The following TEAD1 variants were observed in gnomAD, a reference collection of about 807,000 sequenced individuals.
The protein encoded by TEAD1 is transcriptional enhancer factor TEF-1.
In TEAD1, 9 loss-of-function variants were observed where a neutral mutation model predicts 54.9. The ratio of observed to expected loss-of-function variants is 0.16; its 90% CI spans 0.10 to 0.29. The LOEUF (loss-of-function observed/expected upper bound fraction) is 0.29, where lower values mean the gene tolerates loss of function less well. Ranked by LOEUF, TEAD1 falls within the 10% of genes least tolerant of loss-of-function variation. The pLI is 1.00. For missense variants in TEAD1, 387 were observed against 535.9 expected (o/e 0.72, Z 2.74); for synonymous variants, 200 against 187.8 (o/e 1.07, Z -0.53).
rs1949134254 is a variant in TEAD1, at chr11:12,938,897, T to C, written c.*1675T>C. On this transcript the variant is annotated 3_prime_UTR_variant, in exon 13 of 13. Coordinates refer to ENST00000527636, the MANE Select transcript of TEAD1 (RefSeq NM_021961.6). ...AATAAGTTTTTTAACTTGTAAAACA[T>C]GTCAAGATTTTTCCACCAAGCTAGA... The C allele has an allele frequency of 6.6e-6, 1 of 152,218 alleles. No individual in the cohort carries two copies. Among genetic ancestry groups the C allele is most frequent in the Non-Finnish European group, 1.5e-5 (1 of 68,044 alleles). The allele number at this position is 152,218 out of a possible 1,614,324, so 9.4% of individuals were successfully genotyped here. A position where few individuals can be genotyped will look rare whatever the true frequency, so the allele number is the denominator to read the frequency against.
intron 12 of TEAD1, among the ~76,000 whole-genome samples, chr11:12,934,137 C>G (rs1949057910): frequency 6.6e-6 from 1 of 152,146 alleles, no homozygotes; most frequent in Admixed American, 6.5e-5. Context: ...GGAACCAACC[C>G]AAATGTCCAA....
At chr11:12,872,561 C>T (rs1261005642) in intron 5 of TEAD1, among the ~76,000 whole-genome samples, 1 of 152,166 alleles carries the variant, frequency 6.6e-6, no homozygotes, top group East Asian at 1.9e-4. Context: ...CACTTGCCAA[C>T]AGTGTGGTGA....
intron 2 of TEAD1, among the ~76,000 whole-genome samples, chr11:12,731,048 A>G (rs991090732): frequency 9.9e-5 from 15 of 152,100 alleles, no homozygotes; most frequent in African/African-American, 3.4e-4. Context: ...AGATCTTTTG[A>G]TGAGGAGCTT....
At position 12,921,538 on chromosome 11, in the gene TEAD1, C is replaced by CAAA. The variant is rs10684810; in HGVS notation, c.874-3358_874-3356dup. Among the ~76,000 whole-genome samples the CAAA allele has an allele frequency of 3.0e-3, 386 of 130,784 alleles. 4 individuals carry two copies. The highest frequency in any genetic ancestry group is 6.9e-3 in the Admixed American group (88 of 12,764). The allele number at this position is 130,784 out of a possible 152,430, so 85.8% of individuals were successfully genotyped here. A position where few individuals can be genotyped will look rare whatever the true frequency, so the allele number is the denominator to read the frequency against. ...CTGCAACAAGAGCAAAACTCCATCT[C>CAAA]AAAAAAAAAAAAAAAAAATCTGGAA... On this transcript the variant is annotated intron_variant, in intron 10 of 12. Coordinates refer to ENST00000527636, the MANE Select transcript of TEAD1 (RefSeq NM_021961.6).
intron 3 of TEAD1, among the ~76,000 whole-genome samples, chr11:12,796,725 C>CAA (rs538261179): frequency 0.036 from 4,906 of 136,266 alleles, 292 homozygotes; most frequent in African/African-American, 0.12. Flanking sequence ...GATCCTGACT[C>CAA]AAAAAAAAAA....
At chr11:12,903,848 T>C (rs1016005832) in intron 10 of TEAD1, among the ~76,000 whole-genome samples, 1 of 152,188 alleles carries the variant, frequency 6.6e-6, no homozygotes, top group African/African-American at 2.4e-5. Flanking sequence ...TGTAGCCTTC[T>C]ACTTATATTA....
At chr11:12,785,801 A>G (rs577632527) in intron 3 of TEAD1, among the ~76,000 whole-genome samples, 1 of 152,328 alleles carries the variant, frequency 6.6e-6, no homozygotes, top group East Asian at 1.9e-4. Context: ...TCGTGAGCAT[A>G]TCTCTGACAA....
At chr11:12,720,504 T>G (rs1328945120) in intron 2 of TEAD1, among the ~76,000 whole-genome samples, 1 of 152,212 alleles carries the variant, frequency 6.6e-6, no homozygotes, top group Non-Finnish European at 1.5e-5. Flanking sequence ...ATGTATTATT[T>G]AATTATCAGA....
chr11:12,836,203 GA>G (rs756796136), intron 3 of TEAD1, among the ~76,000 whole-genome samples: 4 of 152,116 alleles, frequency 2.6e-5, no homozygotes, highest in Admixed American at 6.5e-5. Context: ...GGTGGATCAT[GA>G]GGTCAGGAGA....
intron 2 of TEAD1, among the ~76,000 whole-genome samples, chr11:12,742,740 A>G (rs1327704286): frequency 2.6e-5 from 4 of 152,224 alleles, no homozygotes; most frequent in Non-Finnish European, 5.9e-5. Flanking sequence ...TTAAAAAAGG[A>G]AAGTCTTGAC....
intron 2 of TEAD1, among the ~76,000 whole-genome samples, chr11:12,759,235 G>C (rs994012010): frequency 6.6e-6 from 1 of 152,078 alleles, no homozygotes; most frequent in African/African-American, 2.4e-5. Flanking sequence ...TCTCTTGTTG[G>C]ATAGAGTTGG....
chr11:12,780,286 TAGGC>T (rs1945515517), intron 3 of TEAD1, among the ~76,000 whole-genome samples: 1 of 150,272 alleles, frequency 6.7e-6, no homozygotes, highest in African/African-American at 2.5e-5. Flanking sequence ...TCTTGTCACC[TAGGC>T]TGGACTGCAG....
At chr11:12,864,660 T>G in intron 4 of TEAD1, 178 bp from the exon 5 acceptor site, 1 of 1,467,448 alleles carries the variant, frequency 6.8e-7, no homozygotes, top group South Asian at 1.4e-5. Context: ...TTGTTTTGTT[T>G]CCCCTCATAA....
rs115700083 is a variant in TEAD1, at chr11:12,765,918, A to T, written c.202+1484A>T. ...CTGGTCTCTTCATCTCAGCCTGGCT[A>T]TTTGCTTTGTGGGTCTTATTTTCAT... On this transcript the variant is annotated intron_variant, in intron 3 of 12. Coordinates refer to ENST00000527636, the MANE Select transcript of TEAD1 (RefSeq NM_021961.6). Among the ~76,000 whole-genome samples the T allele has an allele frequency of 7.8e-3, 1,192 of 152,138 alleles. 20 individuals carry two copies. The highest frequency in any genetic ancestry group is 0.027 in the African/African-American group (1,136 of 41,496).
At chr11:12,827,719 A>G (rs112447937) in intron 3 of TEAD1, among the ~76,000 whole-genome samples, 8 of 152,172 alleles carry the variant, frequency 5.3e-5, no homozygotes, top group Admixed American at 1.3e-4. Flanking sequence ...CTGCTCTCCT[A>G]TTATCACATT....
chr11:12,748,800 G>A (rs1002688770), intron 2 of TEAD1, among the ~76,000 whole-genome samples: 4 of 151,802 alleles, frequency 2.6e-5, no homozygotes, highest in African/African-American at 4.8e-5. Context: ...GAAATGGTGC[G>A]GTCCTTTCCT....
At chr11:12,868,739 C>A (rs1947677729) in intron 5 of TEAD1, among the ~76,000 whole-genome samples, 1 of 152,222 alleles carries the variant, frequency 6.6e-6, no homozygotes, top group Non-Finnish European at 1.5e-5. Flanking sequence ...TTACTGAATT[C>A]AGTCCAGTGG....
rs763222979 is a variant in TEAD1, at chr11:12,764,388, A to G, written c.156A>G (p.Pro52=). 5.0e-6 allele frequency: 8 copies of G among 1,614,050 alleles called. No homozygotes were observed. Among genetic ancestry groups the G allele is most frequent in the Non-Finnish European group, 6.8e-6 (8 of 1,180,018 alleles). ...AGGAGGCCCTGGCTATCTATCCACC[A>G]TGTGGGAGGAGGAAAATCATCTTAT... Residue 52 remains proline, a synonymous_variant, in exon 3 of 13, where the codon CCA becomes CCG. Transcript: ENST00000527636.
At chr11:12,718,120 G>A (rs1944103755) in intron 2 of TEAD1, among the ~76,000 whole-genome samples, 1 of 152,100 alleles carries the variant, frequency 6.6e-6, no homozygotes, top group Non-Finnish European at 1.5e-5. Context: ...ATCATTCAGA[G>A]TCCGCTTATA....
Sources: allele counts gnomAD v4.1 joint callset (sites outside exome capture counted in the v4.1 genomes callset), GRCh38; gene constraint gnomAD v4.1.1; transcripts MANE v1.5; gene names NCBI Gene and HGNC (gene_info 2026-07-23, HGNC 2026-07-21).